The following TTF2 variants were observed in gnomAD, a reference collection of about 807,000 sequenced individuals.
TTF2 encodes RNA polymerase II termination factor.
In TTF2, 108 loss-of-function variants were observed where a neutral mutation model predicts 142.4. The observed-to-expected ratio is 0.76, with a 90% confidence interval of 0.65 to 0.89. TTF2 has a LOEUF of 0.89. Ranked by LOEUF, TTF2 falls within the 40% of genes least tolerant of loss-of-function variation. The probability of loss-of-function intolerance (pLI) is 0.00; values close to 1 mark genes in which losing one functional copy is unlikely to be tolerated. For synonymous variants in TTF2, 483 were observed against 506.2 expected (o/e 0.95, Z 0.61); for missense variants, 1,327 against 1,379.8 (o/e 0.96, Z 0.61).
rs1192034264 is a variant in TTF2, at chr1:117,099,587, G to A, written c.3344+680G>A. Among the ~76,000 whole-genome samples, 2 of 152,094 alleles carry A rather than the reference G, an allele frequency of 1.3e-5. No individual in the cohort carries two copies. The highest frequency in any genetic ancestry group is 6.6e-5 in the Admixed American group (1 of 15,264). ...TTTTATGACATTGACATTTTGATGA[G>A]CATGAGCCAGTTATTTTGCAAAATG... On this transcript the variant is annotated intron_variant, in intron 22 of 22. Transcript: ENST00000369466. This position sits in a 1 kb window ranked among gnomAD's most constrained non-coding sequence, Gnocchi z 4.3.
In TTF2 at chr1:117,073,161, T is replaced by C. The variant is rs1312011083; in HGVS notation, c.219-500T>C. Among the ~76,000 whole-genome samples the C allele has an allele frequency of 6.6e-6, 1 of 152,234 alleles. No homozygotes were observed. Among genetic ancestry groups the C allele is most frequent in the Non-Finnish European group, 1.5e-5 (1 of 68,034 alleles). Reference sequence around the variant, plus strand: ...TTCCCACTGCCAAGATTTTGAAGGTTATATTCTCCACAGTATAGTTTTACG... The same window carrying C: ...TTCCCACTGCCAAGATTTTGAAGGTCATATTCTCCACAGTATAGTTTTACG... On this transcript the variant is annotated intron_variant, in intron 3 of 22. Coordinates refer to ENST00000369466, the MANE Select transcript of TTF2 (RefSeq NM_003594.4). This position sits in a 1 kb window ranked among gnomAD's most constrained non-coding sequence, Gnocchi z 4.4.
chr1:117,074,809 G>A (rs1208754102), intron 4 of TTF2, 61 bp from the exon 5 acceptor site: 3 of 1,416,358 alleles, frequency 2.1e-6, no homozygotes, highest in African/African-American at 1.5e-5. Context: ...AAAAGGAAAG[G>A]CATTCTAGAT....
chr1:117,075,246 C>T lies in TTF2; in HGVS notation c.662C>T (p.Ser221Phe). 6.2e-7 allele frequency: 1 copy of T among 1,614,208 alleles called. No homozygotes were observed. The highest frequency in any genetic ancestry group is 8.5e-7 in the Non-Finnish European group (1 of 1,180,050). Reference sequence around the variant, plus strand: ...AAAAGAGACTTTTCTGAAATTAAATCTCAACAGTGCCAAGGTAATGAGCTT... The same window carrying T: ...AAAAGAGACTTTTCTGAAATTAAATTTCAACAGTGCCAAGGTAATGAGCTT... ...THKRDFSEIKSQQCQGNELTR... is the reference protein window; with the variant it reads ...THKRDFSEIKFQQCQGNELTR... Residue 221 changes from serine (S) to phenylalanine (F), a missense_variant, in exon 5 of 23, where the codon TCT becomes TTT. By Grantham distance (155) the Ser-to-Phe change is radical (BLOSUM62 -2). Transcript: ENST00000369466. The surrounding 1 kb of genome is among the most constrained non-coding windows in gnomAD (Gnocchi z 4.5).
rs1446301764 is a variant in TTF2, at chr1:117,102,193, G to A, written c.*669G>A. ...GTTCTGTGTTGCCTTTCTCTTCTTA[G>A]CTGATGATGGGAGAACCAGTTACTA... On this transcript the variant is annotated 3_prime_UTR_variant, in exon 23 of 23. Transcript: ENST00000369466. The A allele has an allele frequency of 3.3e-5, 5 of 152,220 alleles. No homozygotes were observed. Among genetic ancestry groups the A allele is most frequent in the African/African-American group, 1.2e-4 (5 of 41,420 alleles). The allele number at this position is 152,220 out of a possible 1,614,324, so 9.4% of individuals were successfully genotyped here.
In TTF2 at chr1:117,090,366, A is replaced by G. The variant is rs999665353; in HGVS notation, c.2496+158A>G. Reference sequence around the variant, plus strand: ...GGGTTGCAGTTCCATGCCTAGTGTCATAGCAATCCAGTTGTACTGTATGTT... The same window carrying G: ...GGGTTGCAGTTCCATGCCTAGTGTCGTAGCAATCCAGTTGTACTGTATGTT... On this transcript the variant is annotated intron_variant, in intron 14 of 22. Transcript: ENST00000369466. The surrounding 1 kb of genome is among the most constrained non-coding windows in gnomAD (Gnocchi z 4.8). 1.3e-5 allele frequency among the ~76,000 whole-genome samples: 2 copies of G among 152,206 alleles called. No individual in the cohort carries two copies. The highest frequency in any genetic ancestry group is 2.9e-5 in the Non-Finnish European group (2 of 68,038).
chr1:117,068,233 A>C (rs1656297976), intron 3 of TTF2, among the ~76,000 whole-genome samples: 1 of 152,242 alleles, frequency 6.6e-6, no homozygotes, highest in Non-Finnish European at 1.5e-5. Context: ...ACGTGGGTAT[A>C]ACAAGTTTTA....
chr1:117,095,202 G>A, intron 18 of TTF2, 107 bp from the exon 19 acceptor site: 1 of 1,007,350 alleles, frequency 9.9e-7, no homozygotes, highest in Non-Finnish European at 1.6e-6. Context: ...AGACAGGTGA[G>A]GCCAGAGCAC....
At position 117,106,638 on chromosome 1, in the gene TTF2, A is replaced by G. The variant is rs962816072; in HGVS notation, c.*5114A>G. 1.3e-5 allele frequency: 2 copies of G among 152,268 alleles called. No homozygotes were observed. The highest frequency in any genetic ancestry group is 4.8e-5 in the African/African-American group (2 of 41,468). 9.4% of individuals were successfully genotyped at this position (152,268 alleles called of 1,614,324 possible). ...AATCAGCCATGATGCTGAGTGCTAC[A>G]AGAGAGGACTGTGCGGCTGGGAGGG... On this transcript the variant is annotated 3_prime_UTR_variant, in exon 23 of 23. Transcript: ENST00000369466.
At chr1:117,091,694 T>C (rs1648588939) in intron 16 of TTF2, 123 bp from the exon 17 acceptor site, 3 of 1,311,132 alleles carry the variant, frequency 2.3e-6, no homozygotes, top group Admixed American at 2.6e-5. Context: ...AGAAGTGAGT[T>C]GTAACTATAT....
In TTF2 at chr1:117,103,409, T is replaced by A. The variant is rs1187215478; in HGVS notation, c.*1885T>A. 1 of 152,218 alleles carries A rather than the reference T, an allele frequency of 6.6e-6. No homozygotes were observed. Among genetic ancestry groups the A allele is most frequent in the East Asian group, 1.9e-4 (1 of 5,202 alleles). 9.4% of individuals were successfully genotyped at this position (152,218 alleles called of 1,614,324 possible). On this transcript the variant is annotated 3_prime_UTR_variant, in exon 23 of 23. Coordinates refer to ENST00000369466, the MANE Select transcript of TTF2 (RefSeq NM_003594.4). The stretch of plus-strand genomic sequence containing the variant: ...TTCCAAAAACACTTACTCTGCTAAT[T>A]TCTGCTAGAAAGAATCACAGTTCTT...
rs1656749892 is a variant in TTF2 at position 117,073,396 on chromosome 1, A to G, written c.219-265A>G. On this transcript the variant is annotated intron_variant, in intron 3 of 22. Transcript: ENST00000369466. This position sits in a 1 kb window ranked among gnomAD's most constrained non-coding sequence, Gnocchi z 4.4. ...CATTGCTGATCAGTGTTTCTATTTC[A>G]GTCATTCGTTACAGACTAAAAAGAA... is the stretch of plus-strand genomic sequence containing the variant. 1.3e-5 allele frequency among the ~76,000 whole-genome samples: 2 copies of G among 152,106 alleles called. No homozygotes were observed. The highest frequency in any genetic ancestry group is 4.1e-4 in the South Asian group (2 of 4,830).
rs10494197 is a variant in TTF2 at position 117,093,283 on chromosome 1, C to G, written c.2976+382C>G. Among the ~76,000 whole-genome samples the G allele has an allele frequency of 2.0e-5, 3 of 152,114 alleles. No individual in the cohort carries two copies. The highest frequency in any genetic ancestry group is 2.9e-5 in the Non-Finnish European group (2 of 68,028). Reference sequence around the variant, plus strand: ...GACTCTAGAGACTGTGTCATACATGCGAGCGCCAATTGCTCTGACTTTGAA... The same window carrying G: ...GACTCTAGAGACTGTGTCATACATGGGAGCGCCAATTGCTCTGACTTTGAA... On this transcript the variant is annotated intron_variant, in intron 18 of 22. Transcript: ENST00000369466. The surrounding 1 kb of genome is among the most constrained non-coding windows in gnomAD (Gnocchi z 4.5).
In TTF2 at chr1:117,093,011, T is replaced by C; in HGVS notation, c.2976+110T>C. 7.9e-7 allele frequency: 1 copy of C among 1,262,482 alleles called. No individual in the cohort carries two copies. The highest frequency in any genetic ancestry group is 2.3e-5 in the East Asian group (1 of 42,950). The allele number at this position is 1,262,482 out of a possible 1,614,324, so 78.2% of individuals were successfully genotyped here. ...GGGAACAGCCATTTGCCAGCAGAGC[T>C]AGAGCCGTTAAATTCTAGCTGATCA... is the stretch of plus-strand genomic sequence containing the variant. On this transcript the variant is annotated intron_variant, in intron 18 of 22. Coordinates refer to ENST00000369466, the MANE Select transcript of TTF2 (RefSeq NM_003594.4). The surrounding 1 kb of genome is among the most constrained non-coding windows in gnomAD (Gnocchi z 4.5).
In TTF2 at chr1:117,096,144, T is replaced by C. The variant is rs915853135; in HGVS notation, c.3036-5T>C. The stretch of plus-strand genomic sequence containing the variant: ...GGTATTTTTTTATTTTATTCTTCTT[T>C]CCAGTGTCATTGTCTCTCAGTGGAC... On this transcript the variant is annotated splice_polypyrimidine_tract_variant and splice_region_variant and intron_variant, in intron 19 of 22. Coordinates refer to ENST00000369466, the MANE Select transcript of TTF2 (RefSeq NM_003594.4). 32 of 1,613,928 alleles carry C rather than the reference T, an allele frequency of 2.0e-5. No individual in the cohort carries two copies. The highest frequency in any genetic ancestry group is 2.5e-5 in the Non-Finnish European group (29 of 1,179,982).
chr1:117,060,461 T>C lies in TTF2; in HGVS notation c.35T>C (p.Phe12Ser), dbSNP rs149728895. 4.3e-5 allele frequency: 70 copies of C among 1,613,696 alleles called. No individual in the cohort carries two copies. Among genetic ancestry groups the C allele is most frequent in the Admixed American group, 2.8e-4 (17 of 59,944 alleles). The change falls in exon 2 of 23, where the codon TTC becomes TCC. Residue 12 changes from phenylalanine (F) to serine (S), a missense_variant. By Grantham distance (155) the Phe-to-Ser change is radical. Coordinates refer to ENST00000369466, the MANE Select transcript of TTF2 (RefSeq NM_003594.4). ...EEVRCPEHGTFCFLKTGVRDG... is the reference protein window; with the variant it reads ...EEVRCPEHGTSCFLKTGVRDG... Reference sequence around the variant, plus strand: ...CACTTTCTTCTCTCTTCAGGGACTTTCTGCTTTCTTAAGACCGGCGTCCGC... The same window carrying C: ...CACTTTCTTCTCTCTTCAGGGACTTCCTGCTTTCTTAAGACCGGCGTCCGC...
intron 9 of TTF2, among the ~76,000 whole-genome samples, 158 bp from the exon 10 acceptor site, chr1:117,081,670 G>C (rs2274251): frequency 0.078 from 11,838 of 152,234 alleles, 736 homozygotes; most frequent in African/African-American, 0.16. Flanking sequence ...TGCTGAATAA[G>C]GAAGATAAAG....
Position 117,097,412 on chromosome 1 carries a change from T to C in TTF2, c.3248T>C (p.Leu1083Pro). The C allele has an allele frequency of 6.2e-7, 1 of 1,614,150 alleles. No homozygotes were observed. Among genetic ancestry groups the C allele is most frequent in the Non-Finnish European group, 8.5e-7 (1 of 1,180,010 alleles). The change falls in exon 21 of 23, where the codon CTC (leucine) becomes CCC (proline). Residue 1083 changes from leucine (L) to proline (P), a missense_variant. Leu to Pro is a moderately conservative substitution (Grantham distance 98). Coordinates refer to ENST00000369466, the MANE Select transcript of TTF2 (RefSeq NM_003594.4). This position sits in a 1 kb window ranked among gnomAD's most constrained non-coding sequence, Gnocchi z 4.1. ...VGLNLTGGNH[L>P]FLLDMHWNPS... Reference sequence around the variant, plus strand: ...CTAAACCTGACTGGAGGAAATCACCTCTTTCTTTTGGACATGCACTGGTAA... The same window carrying C: ...CTAAACCTGACTGGAGGAAATCACCCCTTTCTTTTGGACATGCACTGGTAA...
rs1272065349 is a variant in TTF2 at position 117,104,867 on chromosome 1, A to C, written c.*3343A>C. ...CTAAGGGAGACAGGCATGAATTAAC[A>C]GAAGTGGCATTCTGGTATCTGTCTC... is the stretch of plus-strand genomic sequence containing the variant. On this transcript the variant is annotated 3_prime_UTR_variant, in exon 23 of 23. Transcript: ENST00000369466. 6.6e-6 allele frequency: 1 copy of C among 152,186 alleles called. No individual in the cohort carries two copies. The highest frequency in any genetic ancestry group is 2.4e-5 in the African/African-American group (1 of 41,444). The allele number at this position is 152,186 out of a possible 1,614,324, so 9.4% of individuals were successfully genotyped here. A position where few individuals can be genotyped will look rare whatever the true frequency, so the allele number is the denominator to read the frequency against.
rs10524337 is a variant in TTF2 at position 117,089,260 on chromosome 1, C to CTATATATATATATA, written c.2342+282_2342+295dup. 7.6e-3 allele frequency among the ~76,000 whole-genome samples: 1,038 copies of CTATATATATATATA among 137,468 alleles called. 31 individuals carry two copies. Among genetic ancestry groups the CTATATATATATATA allele is most frequent in the African/African-American group, 0.019 (707 of 37,210 alleles). 90.2% of individuals were successfully genotyped at this position (137,468 alleles called of 152,430 possible). On this transcript the variant is annotated intron_variant, in intron 13 of 22. Coordinates refer to ENST00000369466, the MANE Select transcript of TTF2 (RefSeq NM_003594.4). Reference sequence around the variant, plus strand: ...TATGCAAAATATATGCAAATATATGCTATATATATATATATATGCAAAAAT... The same window carrying CTATATATATATATA: ...TATGCAAAATATATGCAAATATATGCTATATATATATATATATATATATATATATATGCAAAAAT...
Sources: gnomAD v4.1 joint callset for allele counts (sites outside exome capture counted in the v4.1 genomes callset) on GRCh38, gnomAD v4.1.1 for gene constraint, Gnocchi (gnomAD v3.1) non-coding constraint, MANE v1.5 for transcripts, NCBI Gene and HGNC (gene_info 2026-07-23, HGNC 2026-07-21) for gene names.